The following ATG5 variants were observed in gnomAD, a reference collection of about 807,000 sequenced individuals.
ATG5 encodes the protein autophagy protein 5.
Under a neutral mutation model 36.5 loss-of-function variants are expected in ATG5, and 14 were observed. That is an observed-to-expected ratio of 0.38 (90% CI 0.25 to 0.60). ATG5 has a LOEUF of 0.60. Among genes scored for constraint, ATG5 ranks in the 20% least tolerant of loss-of-function variants. The pLI is 0.60. For synonymous variants in ATG5, 95 were observed against 101.5 expected (o/e 0.94, Z 0.38); for missense variants, 195 against 326.7 (o/e 0.60, Z 3.11).
chr6:106,256,222 A>G (rs576454547), intron 5 of ATG5, among the ~76,000 whole-genome samples: 2 of 152,344 alleles, frequency 1.3e-5, no homozygotes, highest in Admixed American at 6.5e-5. Flanking sequence ...TGTAAAGTAG[A>G]AAACACTATT....
At chr6:106,286,153 A>G (rs1780070188) in intron 4 of ATG5, among the ~76,000 whole-genome samples, 1 of 152,176 alleles carries the variant, frequency 6.6e-6, no homozygotes, top group Non-Finnish European at 1.5e-5. Flanking sequence ...ATACACGTAC[A>G]CTTTGGCTCC....
At position 106,209,330 on chromosome 6, in the gene ATG5, C is replaced by T. The variant is rs75108377; in HGVS notation, c.574-7241G>A. On this transcript the variant is annotated intron_variant, in intron 6 of 7. Transcript: ENST00000369076. ...AACTGACTGTAATAGGTCTGTCCCACGGAATACTACTCAGCAATAAAAAGG... is the reference window on the plus strand; with the variant it reads ...AACTGACTGTAATAGGTCTGTCCCATGGAATACTACTCAGCAATAAAAAGG... Among the ~76,000 whole-genome samples, 419 of 152,196 alleles carry T rather than the reference C, an allele frequency of 2.8e-3. 3 individuals are homozygous for T. Among genetic ancestry groups the T allele is most frequent in the African/African-American group, 9.8e-3 (405 of 41,522 alleles).
At chr6:106,195,575 T>TA (rs1427352616) in intron 7 of ATG5, among the ~76,000 whole-genome samples, 2 of 152,102 alleles carry the variant, frequency 1.3e-5, no homozygotes, top group Admixed American at 6.6e-5. Flanking sequence ...TGAGATGTGT[T>TA]AGAGATGTGG....
At chr6:106,295,094 A>G (rs1426049905) in intron 3 of ATG5, among the ~76,000 whole-genome samples, 1 of 152,108 alleles carries the variant, frequency 6.6e-6, no homozygotes, top group African/African-American at 2.4e-5. Flanking sequence ...ACACATATAT[A>G]GTACTATAGA....
chr6:106,186,645 A>G lies in ATG5; in HGVS notation c.723T>C (p.His241=). The G allele has an allele frequency of 6.2e-7, 1 of 1,613,864 alleles. No individual in the cohort carries two copies. Among genetic ancestry groups the G allele is most frequent in the Non-Finnish European group, 8.5e-7 (1 of 1,179,898 alleles). Residue 241 remains histidine (H), a synonymous_variant, in exon 8 of 8, where the codon CAT becomes CAC. Coordinates refer to ENST00000369076, the MANE Select transcript of ATG5 (RefSeq NM_004849.4). ...DGEKKNQVMI[H]GIEPMLETPL... ...GTGTTTCCAACATTGGCTCAATTCC[A>G]TGAATCATCACTTGATTCTTTTTTT...
At chr6:106,304,713 A>T (rs1199565220) in intron 3 of ATG5, among the ~76,000 whole-genome samples, 1 of 152,190 alleles carries the variant, frequency 6.6e-6, no homozygotes, top group African/African-American at 2.4e-5. Context: ...GAATTTTGTG[A>T]AATTAAATAT....
At chr6:106,215,036 C>T (rs1476501983) in intron 6 of ATG5, among the ~76,000 whole-genome samples, 2 of 152,084 alleles carry the variant, frequency 1.3e-5, no homozygotes, top group African/African-American at 4.8e-5. Flanking sequence ...TAATTCTACC[C>T]AAAGCCACAC....
At chr6:106,320,625 GAA>G (rs66941172) in intron 1 of ATG5, among the ~76,000 whole-genome samples, 2 of 142,898 alleles carry the variant, frequency 1.4e-5, no homozygotes, top group African/African-American at 2.5e-5. Flanking sequence ...AGGCTGTTCT[GAA>G]AAAAAAAAAA....
chr6:106,235,410 C>A (rs569042479), intron 6 of ATG5, among the ~76,000 whole-genome samples: 9 of 152,270 alleles, frequency 5.9e-5, no homozygotes, highest in Admixed American at 5.9e-4. Flanking sequence ...TGCCCCAATT[C>A]CGCAGGAAGC....
At chr6:106,309,799 T>C (rs1034886380) in intron 2 of ATG5, among the ~76,000 whole-genome samples, 2 of 152,116 alleles carry the variant, frequency 1.3e-5, no homozygotes, top group East Asian at 1.9e-4. Context: ...TTCAAAAATA[T>C]GTAAGTATAA....
At chr6:106,298,205 C>T (rs140632491) in intron 3 of ATG5, among the ~76,000 whole-genome samples, 51 of 151,980 alleles carry the variant, frequency 3.4e-4, no homozygotes, top group East Asian at 2.3e-3. Context: ...ATGATCTGTC[C>T]GCCTCGGCCT....
intron 5 of ATG5, among the ~76,000 whole-genome samples, chr6:106,266,216 C>T (rs1175002875): frequency 2.0e-5 from 3 of 152,158 alleles, no homozygotes; most frequent in Non-Finnish European, 4.4e-5. Flanking sequence ...ATATTATAAA[C>T]ACCTCTATGT....
At chr6:106,267,077 T>TA (rs1425523551) in intron 5 of ATG5, among the ~76,000 whole-genome samples, 1 of 152,186 alleles carries the variant, frequency 6.6e-6, no homozygotes, top group Non-Finnish European at 1.5e-5. Context: ...ATGACATGAT[T>TA]GTATACTTAG....
At chr6:106,237,391 C>CA (rs1198660276) in intron 6 of ATG5, among the ~76,000 whole-genome samples, 2 of 151,936 alleles carry the variant, frequency 1.3e-5, no homozygotes, top group Non-Finnish European at 2.9e-5. Flanking sequence ...CATCTTCTTG[C>CA]AAAAAAGATA....
At chr6:106,258,323 T>A (rs1778878963) in intron 5 of ATG5, among the ~76,000 whole-genome samples, 1 of 151,690 alleles carries the variant, frequency 6.6e-6, no homozygotes, top group African/African-American at 2.4e-5. Flanking sequence ...CAGTGAGCCA[T>A]GACCTTACCA....
rs142768371 is a variant in ATG5, at chr6:106,256,687, A to G, written c.479-8443T>C. On this transcript the variant is annotated intron_variant, in intron 5 of 7. Transcript: ENST00000369076. ...CCTATATGGTATGTGCAAACCAGGA[A>G]AAGGTACAGTAAAAATACCATATAA... Among the ~76,000 whole-genome samples, 447 of 152,292 alleles carry G rather than the reference A, an allele frequency of 2.9e-3. 2 individuals carry two copies. The highest frequency in any genetic ancestry group is 0.01 in the African/African-American group (418 of 41,564).
At chr6:106,280,839 G>A (rs952475958) in intron 4 of ATG5, among the ~76,000 whole-genome samples, 9 of 152,028 alleles carry the variant, frequency 5.9e-5, no homozygotes, top group Non-Finnish European at 1.3e-4. Flanking sequence ...TAGGATTTAA[G>A]GCTAATTTGA....
At chr6:106,258,101 T>G (rs1224803611) in intron 5 of ATG5, among the ~76,000 whole-genome samples, 1 of 152,178 alleles carries the variant, frequency 6.6e-6, no homozygotes, top group Non-Finnish European at 1.5e-5. Flanking sequence ...TATTTTGCAC[T>G]TGTAATGCTT....
At chr6:106,230,448 C>T (rs1257567371) in intron 6 of ATG5, among the ~76,000 whole-genome samples, 1 of 152,158 alleles carries the variant, frequency 6.6e-6, no homozygotes, top group African/African-American at 2.4e-5. Context: ...TAGAATCCAG[C>T]AGCCCGGACC....
Sources: gnomAD v4.1 joint callset for allele counts (sites outside exome capture counted in the v4.1 genomes callset) on GRCh38, gnomAD v4.1.1 for gene constraint, MANE v1.5 for transcripts, NCBI Gene and HGNC (gene_info 2026-07-23, HGNC 2026-07-21) for gene names.